Variants in SCD5 observed in about 807,000 individuals in gnomAD.
The protein encoded by SCD5 is stearoyl-CoA desaturase 5, also known as acyl-CoA-desaturase 4.
SCD5 carries 20 observed loss-of-function variants against 30.4 expected under a neutral mutation model. The ratio of observed to expected loss-of-function variants is 0.66; its 90% CI spans 0.46 to 0.96. SCD5 has a LOEUF of 0.96. SCD5 is among the 40% of genes least tolerant of loss of function. SCD5 has a pLI of 0.00. For synonymous variants in SCD5, 173 were observed against 176.4 expected, an observed-to-expected ratio of 0.98 and a Z score of 0.16; for missense variants, 381 against 443.3, an observed-to-expected ratio of 0.86 and a Z score of 1.26.
intron 1 of SCD5, among the ~76,000 whole-genome samples, chr4:82,787,567 G>GT (rs1451378312): frequency 6.6e-6 from 1 of 152,204 alleles, no homozygotes; most frequent in East Asian, 1.9e-4. Flanking sequence ...CTTGCCTCAT[G>GT]TGACTCAGTG....
chr4:82,742,926 A>G (rs1024060257), intron 1 of SCD5, among the ~76,000 whole-genome samples: 8 of 152,082 alleles, frequency 5.3e-5, no homozygotes, highest in Non-Finnish European at 7.4e-5. Context: ...CCTTATCCCT[A>G]ACTCCCCAAT....
intron 1 of SCD5, among the ~76,000 whole-genome samples, chr4:82,781,698 G>A (rs1489619257): frequency 6.6e-6 from 1 of 152,082 alleles, no homozygotes; most frequent in Non-Finnish European, 1.5e-5. Flanking sequence ...GGATGAGGTG[G>A]GCTCCCTCTT....
At chr4:82,715,252 T>C (rs1720201918) in intron 1 of SCD5, among the ~76,000 whole-genome samples, 1 of 139,952 alleles carries the variant, frequency 7.1e-6, no homozygotes, top group African/African-American at 2.7e-5. Context: ...AAAAAAAAAA[T>C]CATGTGATCA....
intron 3 of SCD5, among the ~76,000 whole-genome samples, chr4:82,642,949 T>C (rs1443496510): frequency 6.6e-6 from 1 of 152,184 alleles, no homozygotes; most frequent in Non-Finnish European, 1.5e-5. Flanking sequence ...CCATGTCCTT[T>C]AGGGTAATGT....
intron 3 of SCD5, among the ~76,000 whole-genome samples, chr4:82,653,702 A>ATAGATAGATAGG (rs1409252100): frequency 2.5e-5 from 3 of 122,446 alleles, no homozygotes; most frequent in African/African-American, 9.1e-5. Flanking sequence ...AGATAGATAG[A>ATAGATAGATAGG]TAGATATAGA....
At chr4:82,663,049 C>G (rs1330974407) in intron 3 of SCD5, among the ~76,000 whole-genome samples, 2 of 152,052 alleles carry the variant, frequency 1.3e-5, no homozygotes, top group African/African-American at 4.8e-5. Context: ...TAGAAAGTCA[C>G]TAGGGAATAT....
intron 4 of SCD5, among the ~76,000 whole-genome samples, chr4:82,632,191 C>A (rs1390215654): frequency 7.4e-6 from 1 of 134,906 alleles, no homozygotes; most frequent in Non-Finnish European, 1.6e-5. Context: ...CCCCCTCCCC[C>A]CACCCCACGA....
chr4:82,709,501 T>TG (rs1351690503), intron 1 of SCD5, among the ~76,000 whole-genome samples: 1 of 152,170 alleles, frequency 6.6e-6, no homozygotes, highest in Non-Finnish European at 1.5e-5. Flanking sequence ...TAATTTAGTT[T>TG]GGGGGGCCAA....
At chr4:82,665,575 A>G (rs1728168363) in intron 3 of SCD5, among the ~76,000 whole-genome samples, 1 of 152,136 alleles carries the variant, frequency 6.6e-6, no homozygotes, top group African/African-American at 2.4e-5. Context: ...AAAACCTGAC[A>G]ACTCAGAATT....
intron 3 of SCD5, among the ~76,000 whole-genome samples, chr4:82,642,357 C>T (rs1003752804): frequency 8.5e-5 from 13 of 152,100 alleles, no homozygotes; most frequent in Admixed American, 6.6e-4. Flanking sequence ...GAGATAAACG[C>T]GGCTGGAGTG....
rs188230476 is a variant in SCD5, at chr4:82,674,991, G to A, written c.569+5716C>T. On this transcript the variant is annotated intron_variant, in intron 3 of 4. Transcript: ENST00000319540. ...GGGGGAAGAGAGCGATGAACAGACA[G>A]AGAACAGAGGATTTTTAGGCAGTGA... Among the ~76,000 whole-genome samples, 5 of 152,266 alleles carry A rather than the reference G, an allele frequency of 3.3e-5. No individual in the cohort carries two copies. The East Asian group carries it at 7.7e-4, about 23-fold the overall frequency.
At chr4:82,649,220 T>TGTGTGA (rs1166955808) in intron 3 of SCD5, among the ~76,000 whole-genome samples, 3 of 145,704 alleles carry the variant, frequency 2.1e-5, no homozygotes, top group African/African-American at 7.7e-5. Context: ...TGTGTGTGTG[T>TGTGTGA]GAGATTCTTC....
chr4:82,658,379 T>C (rs1298631836), intron 3 of SCD5, among the ~76,000 whole-genome samples: 4 of 152,170 alleles, frequency 2.6e-5, no homozygotes, highest in Admixed American at 1.3e-4. Context: ...TTGGTTCTGT[T>C]TATGTGATGG....
At chr4:82,707,150 G>T (rs1180752153) in intron 1 of SCD5, among the ~76,000 whole-genome samples, 1 of 152,198 alleles carries the variant, frequency 6.6e-6, no homozygotes, top group East Asian at 1.9e-4. Flanking sequence ...GAAATATTCA[G>T]ACAAAGAACT....
chr4:82,740,662 A>C (rs1229702586), intron 1 of SCD5, among the ~76,000 whole-genome samples: 1 of 152,218 alleles, frequency 6.6e-6, no homozygotes, highest in African/African-American at 2.4e-5. Flanking sequence ...TATCCCCTGC[A>C]GTGCTTTTCC....
chr4:82,733,778 A>G (rs1720691815), intron 1 of SCD5, among the ~76,000 whole-genome samples: 1 of 151,844 alleles, frequency 6.6e-6, no homozygotes, highest in Non-Finnish European at 1.5e-5. Context: ...GAATCTCCCC[A>G]CTCTGGGTCT....
chr4:82,677,717 C>G (rs1728466550), intron 3 of SCD5, among the ~76,000 whole-genome samples: 1 of 152,192 alleles, frequency 6.6e-6, no homozygotes, highest in African/African-American at 2.4e-5. Context: ...CTGAAGACAG[C>G]TGTAGCCTCT....
At chr4:82,695,917 C>T (rs540902782) in intron 2 of SCD5, among the ~76,000 whole-genome samples, 1 of 152,302 alleles carries the variant, frequency 6.6e-6, no homozygotes, top group African/African-American at 2.4e-5. Context: ...CAGTGTGACA[C>T]TTTTGAGCAA....
intron 2 of SCD5, among the ~76,000 whole-genome samples, chr4:82,696,282 CGTGAT>C: frequency 6.6e-6 from 1 of 152,108 alleles, no homozygotes; most frequent in South Asian, 2.1e-4. Flanking sequence ...ATCTTTGGAG[CGTGAT>C]AAGGCATTGA....
Sources: gnomAD v4.1 joint callset for allele counts (sites outside exome capture counted in the v4.1 genomes callset) on GRCh38, gnomAD v4.1.1 for gene constraint, MANE v1.5 for transcripts, NCBI Gene and HGNC (gene_info 2026-07-23, HGNC 2026-07-21) for gene names.